Variants in IPO11 observed in about 807,000 individuals in gnomAD.
IPO11 encodes importin 11.
A neutral mutation model predicts 143.2 loss-of-function variants in IPO11; 66 were observed. That is an observed-to-expected ratio of 0.46 (90% CI 0.38 to 0.57). IPO11 has a LOEUF of 0.57. IPO11 is among the 20% of genes least tolerant of loss of function. The pLI is 0.00. For synonymous variants in IPO11, 385 were observed against 377.8 expected (o/e 1.02, Z -0.22); for missense variants, 1,026 against 1,141.0 (o/e 0.90, Z 1.45).
intron 19 of IPO11, among the ~76,000 whole-genome samples, chr5:62,514,458 G>A (rs1001954945): frequency 6.6e-6 from 1 of 151,828 alleles, no homozygotes; most frequent in African/African-American, 2.4e-5. Context: ...CAGGCGTGGC[G>A]GCGCACGCCT....
rs1267390740 is a variant in IPO11 at position 62,601,943 on chromosome 5, A to G, written c.2763+95A>G. 1.9e-5 allele frequency: 13 copies of G among 673,328 alleles called. No individual in the cohort carries two copies. The East Asian group carries it at 2.6e-4, about 14-fold the overall frequency. The allele number at this position is 673,328 out of a possible 1,614,324, so 41.7% of individuals were successfully genotyped here. A position where few individuals can be genotyped will look rare whatever the true frequency, so the allele number is the denominator to read the frequency against. ...CTATGGTCTATTTGTCCATCCAGCTATATGTCTATCCATCTATCCCATGTT... is the reference window on the plus strand; with the variant it reads ...CTATGGTCTATTTGTCCATCCAGCTGTATGTCTATCCATCTATCCCATGTT... On this transcript the variant is annotated intron_variant, in intron 29 of 29. Coordinates refer to ENST00000325324, the MANE Select transcript of IPO11 (RefSeq NM_016338.5).
chr5:62,519,084 T>C (rs941995674), intron 20 of IPO11, among the ~76,000 whole-genome samples: 34 of 152,304 alleles, frequency 2.2e-4, no homozygotes, highest in African/African-American at 8.2e-4. Context: ...ACAGAGGTGT[T>C]ACTCAAATTT....
chr5:62,537,317 T>C (rs1175525086), intron 24 of IPO11, 28 bp downstream of exon 24: 1 of 1,316,558 alleles, frequency 7.6e-7, no homozygotes, highest in Non-Finnish European at 1.1e-6. Context: ...AATGAATATA[T>C]TTATGAATTT....
intron 16 of IPO11, 50 bp from the exon 17 acceptor site, chr5:62,504,617 T>G (rs553293725): frequency 9.1e-7 from 1 of 1,097,816 alleles, no homozygotes; most frequent in African/African-American, 1.6e-5. Context: ...ATATTAATGA[T>G]GTTTAGTCAT....
At chr5:62,438,508 T>TTA (rs1203054399) in intron 2 of IPO11, among the ~76,000 whole-genome samples, 2 of 152,230 alleles carry the variant, frequency 1.3e-5, no homozygotes, top group African/African-American at 4.8e-5. Context: ...ATCCCAGCAC[T>TTA]TTGGGAGGCC....
At chr5:62,578,821 G>A in intron 27 of IPO11, 1 of 422,272 alleles carries the variant, frequency 2.4e-6, no homozygotes, top group Non-Finnish European at 4.7e-6. Flanking sequence ...GTGGTGGGGT[G>A]GAGGTCAGCA....
intron 27 of IPO11, chr5:62,581,065 AT>A (rs754228010): frequency 1.3e-6 from 2 of 1,549,622 alleles, no homozygotes; most frequent in East Asian, 2.4e-5. Context: ...TGTTTTAATC[AT>A]TTTTTTGATC....
intron 27 of IPO11, chr5:62,578,930 T>A (rs1744429690): frequency 4.1e-6 from 1 of 245,810 alleles, no homozygotes; most frequent in African/African-American, 2.3e-5. Flanking sequence ...GAATTTCCTT[T>A]TCTTGGTAAG....
chr5:62,526,601 A>C lies in IPO11; in HGVS notation c.2012+344A>C, dbSNP rs371032771. On this transcript the variant is annotated intron_variant, in intron 21 of 29. Coordinates refer to ENST00000325324, the MANE Select transcript of IPO11 (RefSeq NM_016338.5). The stretch of plus-strand genomic sequence containing the variant: ...TGGGGGATATTGAGGTCCTCTTACT[A>C]CTTAACCAAGTGTTGAGATATTATA... 6.5e-5 allele frequency: 13 copies of C among 200,420 alleles called. No individual in the cohort carries two copies. In the East Asian group the frequency reaches 1.7e-3, roughly 25 times the overall value. The allele number at this position is 200,420 out of a possible 1,614,324, so 12.4% of individuals were successfully genotyped here. A position where few individuals can be genotyped will look rare whatever the true frequency, so the allele number is the denominator to read the frequency against.
At chr5:62,472,853 G>A (rs1580219303) in intron 7 of IPO11, among the ~76,000 whole-genome samples, 1 of 152,162 alleles carries the variant, frequency 6.6e-6, no homozygotes, top group East Asian at 1.9e-4. Context: ...ATAACAGAGA[G>A]CTTAAAAGAT....
chr5:62,516,666 C>G (rs1041843655), intron 20 of IPO11, among the ~76,000 whole-genome samples: 1 of 152,026 alleles, frequency 6.6e-6, no homozygotes, highest in Non-Finnish European at 1.5e-5. Context: ...AATAGTAATG[C>G]AAAATATTTT....
At chr5:62,568,594 A>G (rs1206722948) in intron 27 of IPO11, among the ~76,000 whole-genome samples, 3 of 150,086 alleles carry the variant, frequency 2.0e-5, no homozygotes, top group Non-Finnish European at 2.9e-5. Context: ...AAAAAAAAAA[A>G]AAATTCAATA....
At chr5:62,620,990 A>G (rs1317967443) in intron 29 of IPO11, among the ~76,000 whole-genome samples, 1 of 152,234 alleles carries the variant, frequency 6.6e-6, no homozygotes, top group Non-Finnish European at 1.5e-5. Flanking sequence ...CTAGCAGGAA[A>G]ACTGTGAAAA....
At chr5:62,538,452 A>T (rs1483156496) in intron 24 of IPO11, among the ~76,000 whole-genome samples, 1 of 152,040 alleles carries the variant, frequency 6.6e-6, no homozygotes, top group South Asian at 2.1e-4. Context: ...AATCCTGGGG[A>T]TGGTTTTCCC....
chr5:62,492,689 T>A (rs1746661659), intron 15 of IPO11, among the ~76,000 whole-genome samples: 1 of 152,126 alleles, frequency 6.6e-6, no homozygotes, highest in South Asian at 2.1e-4. Flanking sequence ...GACCACGATG[T>A]GTGCCACCAT....
chr5:62,540,475 A>C (rs1018870692), intron 24 of IPO11, among the ~76,000 whole-genome samples: 4 of 152,204 alleles, frequency 2.6e-5, no homozygotes, highest in African/African-American at 9.6e-5. Context: ...TTCTGCAACA[A>C]TATTGTTAAA....
intron 1 of IPO11, among the ~76,000 whole-genome samples, chr5:62,428,628 C>T (rs1023214013): frequency 1.3e-5 from 2 of 152,082 alleles, no homozygotes; most frequent in African/African-American, 4.8e-5. Flanking sequence ...AAGCGTGAGC[C>T]CCCGCGCCTG....
rs114398853 is a variant in IPO11, at chr5:62,544,273, T to A, written c.2251-6094T>A. ...ATCCACCATGATCAAGTGGGCTTCATCCCCGAGATTCAAGGCTGGTTCAAC... is the reference window on the plus strand; with the variant it reads ...ATCCACCATGATCAAGTGGGCTTCAACCCCGAGATTCAAGGCTGGTTCAAC... On this transcript the variant is annotated intron_variant, in intron 24 of 29. Transcript: ENST00000325324. 2.4e-3 allele frequency among the ~76,000 whole-genome samples: 362 copies of A among 152,110 alleles called. 1 individual carries two copies. The highest frequency in any genetic ancestry group is 8.1e-3 in the African/African-American group (336 of 41,500).
rs780795653 is a variant in IPO11 at position 62,484,164 on chromosome 5, T to G, written c.1174+2T>G. The G allele has an allele frequency of 6.3e-7, 1 of 1,584,296 alleles. No individual in the cohort carries two copies. The highest frequency in any genetic ancestry group is 8.5e-7 in the Non-Finnish European group (1 of 1,171,904). On this transcript the variant is annotated splice_donor_variant, in intron 11 of 29. Transcript: ENST00000325324. LOFTEE classifies it high-confidence loss of function. The stretch of plus-strand genomic sequence containing the variant: ...GGGAAGAAGACCCAGAAGGCTTTAG[T>G]AAGAATTAATTTTTTAGTGTTAGAA...
Sources: gnomAD v4.1 joint callset for allele counts (sites outside exome capture counted in the v4.1 genomes callset) on GRCh38, gnomAD v4.1.1 for gene constraint, MANE v1.5 for transcripts, NCBI Gene and HGNC (gene_info 2026-07-23, HGNC 2026-07-21) for gene names.